Variants in ZBTB20 observed in about 807,000 individuals in gnomAD.
The protein encoded by ZBTB20 is zinc finger and BTB domain-containing protein 20.
In ZBTB20, 9 loss-of-function variants were observed where a neutral mutation model predicts 56.9. That is an observed-to-expected ratio of 0.16 (90% confidence interval 0.10 to 0.28). ZBTB20 has a LOEUF of 0.28. ZBTB20 is among the 10% of genes least tolerant of loss of function. The pLI, the probability that ZBTB20 is intolerant of heterozygous loss-of-function variation, is 1.00. For missense variants in ZBTB20, 655 were observed against 1,003.0 expected (o/e 0.65, Z 4.69); for synonymous variants, 417 against 420.7 (o/e 0.99, Z 0.11).
At chr3:114,619,393 T>C (rs545396712) in intron 6 of ZBTB20, among the ~76,000 whole-genome samples, 5 of 152,062 alleles carry the variant, frequency 3.3e-5, no homozygotes, top group East Asian at 1.9e-4. Context: ...AGGAAAAAAA[T>C]TGGTTTAGGG....
At chr3:114,392,547 A>G (rs1312001267) in intron 7 of ZBTB20, among the ~76,000 whole-genome samples, 1 of 152,242 alleles carries the variant, frequency 6.6e-6, no homozygotes, top group Non-Finnish European at 1.5e-5. Flanking sequence ...TGGTGAAAAC[A>G]TGCAGTAATT....
At chr3:114,831,660 GC>G (rs1466627818) in intron 4 of ZBTB20, among the ~76,000 whole-genome samples, 1 of 151,958 alleles carries the variant, frequency 6.6e-6, no homozygotes, top group Non-Finnish European at 1.5e-5. Context: ...ATACTTAACT[GC>G]CTTGGAAAAA....
chr3:115,135,215 G>A (rs1214451658), intron 1 of ZBTB20, among the ~76,000 whole-genome samples: 1 of 152,158 alleles, frequency 6.6e-6, no homozygotes, highest in South Asian at 2.1e-4. Context: ...TTGTTTATAG[G>A]TCACAGCAGC....
chr3:114,754,827 G>A (rs75303771), intron 5 of ZBTB20, among the ~76,000 whole-genome samples: 2,398 of 152,184 alleles, frequency 0.016, 27 homozygotes, highest in Middle Eastern at 0.048. Context: ...CTAGATTTAT[G>A]AGCAGGCAAT....
chr3:114,631,230 C>G (rs891951263), intron 6 of ZBTB20, among the ~76,000 whole-genome samples: 4 of 151,818 alleles, frequency 2.6e-5, no homozygotes, highest in African/African-American at 7.3e-5. Context: ...AGAGTCATTA[C>G]AAACAACCAA....
At chr3:115,113,822 C>T (rs2083947137) in intron 1 of ZBTB20, among the ~76,000 whole-genome samples, 2 of 152,044 alleles carry the variant, frequency 1.3e-5, no homozygotes, top group Non-Finnish European at 2.9e-5. Flanking sequence ...AAAACTTTCC[C>T]TTGCTTTCTG....
At chr3:115,075,682 T>C (rs971823891) in intron 1 of ZBTB20, among the ~76,000 whole-genome samples, 5 of 152,112 alleles carry the variant, frequency 3.3e-5, no homozygotes, top group African/African-American at 4.8e-5. Flanking sequence ...CAGTTTTCAA[T>C]GGAAAAAACT....
At chr3:114,989,472 G>T (rs1033976871) in intron 2 of ZBTB20, among the ~76,000 whole-genome samples, 4 of 152,060 alleles carry the variant, frequency 2.6e-5, no homozygotes, top group African/African-American at 9.7e-5. Context: ...TCTCTGTTTT[G>T]GTAGCAGCAC....
At chr3:114,888,605 A>G (rs1173120944) in intron 4 of ZBTB20, among the ~76,000 whole-genome samples, 2 of 152,180 alleles carry the variant, frequency 1.3e-5, no homozygotes, top group South Asian at 2.1e-4. Flanking sequence ...GGAAATTTAA[A>G]TATAATATCA....
rs888453704 is a variant in ZBTB20 at position 114,324,849 on chromosome 3, T to A, written c.*14156A>T. On this transcript the variant is annotated 3_prime_UTR_variant, in exon 12 of 12. Coordinates refer to ENST00000675478, the MANE Select transcript of ZBTB20 (RefSeq NM_001348800.3). ...ATCCTCAGGAATCCGTTTCTTCAGT[T>A]TGTCTGGGTCTTCACCCTCCAAAGG... is the stretch of plus-strand genomic sequence containing the variant. The A allele has an allele frequency of 6.6e-5, 10 of 152,274 alleles. No homozygotes were observed. Among genetic ancestry groups the A allele is most frequent in the African/African-American group, 1.9e-4 (8 of 41,576 alleles). The allele number at this position is 152,274 out of a possible 1,614,324, so 9.4% of individuals were successfully genotyped here.
At chr3:114,662,739 T>C (rs1004136340) in intron 6 of ZBTB20, among the ~76,000 whole-genome samples, 1 of 150,852 alleles carries the variant, frequency 6.6e-6, no homozygotes, top group African/African-American at 2.4e-5. Context: ...TTCGCCCACT[T>C]TTTGATGGGG....
chr3:114,873,869 A>C (rs1406625169), intron 4 of ZBTB20: 1 of 152,162 alleles, frequency 6.6e-6, no homozygotes, highest in Non-Finnish European at 1.5e-5. Context: ...GAAACCAAAG[A>C]TTTATGTCAT....
intron 7 of ZBTB20, among the ~76,000 whole-genome samples, chr3:114,404,996 G>C (rs1400087690): frequency 1.3e-5 from 2 of 152,048 alleles, no homozygotes; most frequent in African/African-American, 4.8e-5. Flanking sequence ...ATTAGTCCTT[G>C]TGATAACTGG....
chr3:114,812,795 C>A (rs2072639707), intron 4 of ZBTB20, among the ~76,000 whole-genome samples: 1 of 151,890 alleles, frequency 6.6e-6, no homozygotes, highest in African/African-American at 2.4e-5. Context: ...CCACGTAGGT[C>A]GGGGGAGGCT....
chr3:114,978,331 A>C (rs2078190673), intron 2 of ZBTB20, among the ~76,000 whole-genome samples: 1 of 149,200 alleles, frequency 6.7e-6, no homozygotes, highest in Admixed American at 6.7e-5. Flanking sequence ...ATTAATTCTA[A>C]TACCTATAAG....
chr3:114,748,373 T>TCTCTCTCTCTCC (rs2067281877), intron 5 of ZBTB20, among the ~76,000 whole-genome samples: 1 of 147,928 alleles, frequency 6.8e-6, no homozygotes, highest in African/African-American at 2.5e-5. Flanking sequence ...TCTCTCTCTC[T>TCTCTCTCTCTCC]CTCTCTTTCT....
intron 2 of ZBTB20, among the ~76,000 whole-genome samples, chr3:115,010,544 A>G (rs926064083): frequency 6.6e-6 from 1 of 151,992 alleles, no homozygotes; most frequent in Non-Finnish European, 1.5e-5. Context: ...AGCCAAGACC[A>G]TAAAGCTTAT....
At chr3:114,716,997 G>C (rs540591021) in intron 5 of ZBTB20, among the ~76,000 whole-genome samples, 1 of 152,118 alleles carries the variant, frequency 6.6e-6, no homozygotes, top group South Asian at 2.1e-4. Flanking sequence ...CTACAGGGGA[G>C]GTGTATGTAG....
At chr3:114,769,505 C>T (rs2069028208) in intron 5 of ZBTB20, among the ~76,000 whole-genome samples, 1 of 145,766 alleles carries the variant, frequency 6.9e-6, no homozygotes, top group South Asian at 2.1e-4. Context: ...TATCTATTTG[C>T]ACCTGTTAAA....
Sources: allele counts gnomAD v4.1 joint callset (sites outside exome capture counted in the v4.1 genomes callset), GRCh38; gene constraint gnomAD v4.1.1; transcripts MANE v1.5; gene names NCBI Gene and HGNC (gene_info 2026-07-23, HGNC 2026-07-21).